The following IGSF10 variants were observed in gnomAD, a reference collection of about 807,000 sequenced individuals.
IGSF10 encodes the protein calvaria mechanical force protein 608.
In IGSF10, 126 loss-of-function variants were observed where a neutral mutation model predicts 128.2. The observed-to-expected ratio is 0.98, with a 90% CI of 0.85 to 1.14. IGSF10 has a LOEUF of 1.14. Ranked by LOEUF, IGSF10 falls within the 50% of genes most tolerant of loss-of-function variation. The pLI is 0.00. For missense variants in IGSF10, 3,295 were observed against 3,149.8 expected (o/e 1.05, Z -1.10); for synonymous variants, 1,185 against 1,146.2 (o/e 1.03, Z -0.68).
chr3:151,451,233 C>T (rs190293809), intron 5 of IGSF10, among the ~76,000 whole-genome samples: 10 of 152,212 alleles, frequency 6.6e-5, no homozygotes, highest in Admixed American at 3.3e-4. Context: ...TTCTATGTCC[C>T]GCACACTTGG....
chr3:151,434,340 A>G (rs923914990), downstream of IGSF10: 4 of 152,186 alleles, frequency 2.6e-5, no homozygotes, highest in Admixed American at 1.3e-4. Context: ...GACTCATGCA[A>G]ATGACCTCAA....
In IGSF10 at chr3:151,447,511, C is replaced by A; in HGVS notation, c.2470G>T (p.Asp824Tyr). 6.2e-7 allele frequency: 1 copy of A among 1,614,122 alleles called. No homozygotes were observed. Among genetic ancestry groups the A allele is most frequent in the South Asian group, 1.1e-5 (1 of 91,070 alleles). The stretch of plus-strand genomic sequence containing the variant: ...GGACTATCAGATATTGTTCTGGAGT[C>A]AGCAGTCACTGTCCTTGCTGGAAGG... ...LNLPARTVTA[D>Y]SRTISDSPMT... Residue 824 changes from aspartate (D) to tyrosine (Y), a missense_variant, in exon 6 of 8, where the codon GAC becomes TAC. Transcript: ENST00000282466.
the IGSF10 span, among the ~76,000 whole-genome samples, chr3:151,575,786 A>G: frequency 6.6e-6 from 1 of 152,198 alleles, no homozygotes; most frequent in South Asian, 2.1e-4. Flanking sequence ...GGAAATGCAG[A>G]AATCAGCCAT....
At chr3:151,533,833 A>C in the IGSF10 span, among the ~76,000 whole-genome samples, 38 of 152,254 alleles carry the variant, frequency 2.5e-4, no homozygotes, top group Non-Finnish European at 2.4e-4. Context: ...AAGCTACTTC[A>C]CAGCAAAAGA....
rs919552587 is a variant in IGSF10, at chr3:151,445,361, G to A, written c.4620C>T (p.His1540=). Reference sequence around the variant, plus strand: ...AATGTAACAGATTAGAGTAGATGAAGTGAGTGGTTCCAATTGTGAACTTGG... The same window carrying A: ...AATGTAACAGATTAGAGTAGATGAAATGAGTGGTTCCAATTGTGAACTTGG... ...PNAKFTIGTT[H]FIYSNLLHST... Residue 1540 remains histidine, a synonymous_variant, in exon 6 of 8, where the codon CAC becomes CAT. Transcript: ENST00000282466. 4 of 1,614,226 alleles carry A rather than the reference G, an allele frequency of 2.5e-6. No homozygotes were observed. Among genetic ancestry groups the A allele is most frequent in the Non-Finnish European group, 3.4e-6 (4 of 1,180,016 alleles).
Position 151,446,605 on chromosome 3 carries a change from T to C in IGSF10, c.3376A>G (p.Ile1126Val). The change falls in exon 6 of 8, where the codon ATA becomes GTA. Residue 1126 changes from isoleucine to valine, a missense_variant. Transcript: ENST00000282466. ...KPSVEKTTPT[I>V]KYFRTEISQV... ...GAAATTTCAGTCCTGAAATATTTTA[T>C]TGTGGGTGTTGTTTTCTCTACACTG... 1.9e-6 allele frequency: 3 copies of C among 1,614,158 alleles called. No individual in the cohort carries two copies. The highest frequency in any genetic ancestry group is 2.5e-6 in the Non-Finnish European group (3 of 1,180,024).
Position 151,436,646 on chromosome 3 carries a change from A to AAAAT in IGSF10, c.*39_*42dup. 1 of 1,426,988 alleles carries AAAAT rather than the reference A, an allele frequency of 7.0e-7. No homozygotes were observed. Among genetic ancestry groups the AAAAT allele is most frequent in the East Asian group, 2.3e-5 (1 of 43,790 alleles). 88.4% of individuals were successfully genotyped at this position (1,426,988 alleles called of 1,614,324 possible). On this transcript the variant is annotated 3_prime_UTR_variant, in exon 8 of 8. Transcript: ENST00000282466. ...CTGCCTTTGATTAAACTTCTTCCAA[A>AAAAT]AAATAAATTCTGCCCAGATGTTGTT...
chr3:151,615,917 A>T, the IGSF10 span, among the ~76,000 whole-genome samples: 281 of 151,856 alleles, frequency 1.9e-3, 1 homozygote, highest in African/African-American at 6.5e-3. Context: ...TCCACTTACC[A>T]AATATTTATT....
chr3:151,599,672 ATTC>A, the IGSF10 span, among the ~76,000 whole-genome samples: 2 of 152,228 alleles, frequency 1.3e-5, no homozygotes, highest in Non-Finnish European at 2.9e-5. Context: ...TGACAAAATA[ATTC>A]TTCTTGTTAG....
chr3:151,475,416 C>A, the IGSF10 span, among the ~76,000 whole-genome samples: 1 of 152,198 alleles, frequency 6.6e-6, no homozygotes, highest in African/African-American at 2.4e-5. Context: ...AGAAGGATTT[C>A]ATGCTTCTAT....
rs924024612 is a variant in IGSF10 at position 151,458,782 on chromosome 3, C to G, written c.-1-72G>C. The G allele has an allele frequency of 4.0e-6, 5 of 1,256,420 alleles. No homozygotes were observed. In the African/African-American group the frequency reaches 7.4e-5, roughly 19 times the overall value. 77.8% of individuals were successfully genotyped at this position (1,256,420 alleles called of 1,614,324 possible). ...GTCCCAGGACCACCACACACTCACT[C>G]TGGGAATCTGGGAGACCTTCTTTAA... On this transcript the variant is annotated intron_variant, in intron 2 of 7. Transcript: ENST00000282466.
chr3:151,435,718 T>G (rs1462493009), downstream of IGSF10: 1 of 152,168 alleles, frequency 6.6e-6, no homozygotes, highest in African/African-American at 2.4e-5. Context: ...TCATTTAATA[T>G]TCCCCAAATT....
the IGSF10 span, among the ~76,000 whole-genome samples, chr3:151,567,879 G>A: frequency 2.6e-5 from 4 of 152,256 alleles, no homozygotes; most frequent in East Asian, 7.7e-4. Flanking sequence ...TTCCACAAGC[G>A]ACTTCCCTGC....
the IGSF10 span, among the ~76,000 whole-genome samples, chr3:151,519,087 T>C: frequency 1.3e-5 from 2 of 151,994 alleles, no homozygotes; most frequent in Non-Finnish European, 2.9e-5. Flanking sequence ...AGAATATGTA[T>C]GATTGTTTGT....
At chr3:151,488,767 C>G in the IGSF10 span, among the ~76,000 whole-genome samples, 929 of 152,262 alleles carry the variant, frequency 6.1e-3, 3 homozygotes, top group African/African-American at 0.021. Context: ...AACTGGCTTG[C>G]CATATGGAGA....
chr3:151,461,072 C>G (rs1722036480), upstream of IGSF10: 1 of 985,190 alleles, frequency 1.0e-6, no homozygotes, highest in Non-Finnish European at 1.2e-6. Context: ...GAAGGCGGAG[C>G]GAGGGCGGGG....
At chr3:151,462,828 A>T (rs1476899924), upstream of IGSF10, among the ~76,000 whole-genome samples, 1 of 152,210 alleles carries the variant, frequency 6.6e-6, no homozygotes, top group Non-Finnish European at 1.5e-5. Flanking sequence ...TTAGCTCTGC[A>T]GAGCTGACAA....
the IGSF10 span, among the ~76,000 whole-genome samples, chr3:151,589,721 A>G: frequency 6.6e-6 from 1 of 152,306 alleles, no homozygotes; most frequent in Non-Finnish European, 1.5e-5. Context: ...CCACTGCCTA[A>G]GCCATTGCCA....
At chr3:151,528,084 T>TC in the IGSF10 span, among the ~76,000 whole-genome samples, 1 of 152,314 alleles carries the variant, frequency 6.6e-6, no homozygotes, top group South Asian at 2.1e-4. Context: ...GTGCTTTTTT[T>TC]CCTAGTATCA....
Sources: gnomAD v4.1 joint callset for allele counts (sites outside exome capture counted in the v4.1 genomes callset) on GRCh38, gnomAD v4.1.1 for gene constraint, MANE v1.5 for transcripts, NCBI Gene and HGNC (gene_info 2026-07-23, HGNC 2026-07-21) for gene names.